DNAH5: variants seen among roughly 807,000 people sequenced by gnomAD.
DNAH5 encodes dynein axonemal heavy chain 5.
In DNAH5, 372 loss-of-function variants were observed where a neutral mutation model predicts 518.2. The observed-to-expected ratio is 0.72, with a 90% confidence interval of 0.66 to 0.78. The LOEUF is 0.78. Among genes scored for constraint, DNAH5 ranks in the 30% least tolerant of loss-of-function variants. DNAH5 has a pLI of 0.00. For synonymous variants in DNAH5, 2,039 were observed against 2,025.9 expected (o/e 1.01, Z -0.17); for missense variants, 5,523 against 5,687.0 (o/e 0.97, Z 0.93).
intron 1 of DNAH5, among the ~76,000 whole-genome samples, chr5:13,981,507 C>T (rs754688524): frequency 6.6e-6 from 1 of 152,134 alleles, no homozygotes; most frequent in Non-Finnish European, 1.5e-5. Context: ...CCATCCCTTG[C>T]CTGTGGGAAG....
intron 51 of DNAH5, 152 bp from the exon 52 acceptor site, chr5:13,786,503 C>A (rs929405056): frequency 1.3e-6 from 1 of 768,232 alleles, no homozygotes; most frequent in Admixed American, 2.2e-5. Flanking sequence ...AAACAGAAGA[C>A]AACAATAGAA....
intron 66 of DNAH5, 46 bp downstream of exon 66, chr5:13,737,206 C>G: frequency 6.2e-7 from 1 of 1,612,334 alleles, no homozygotes; most frequent in Non-Finnish European, 8.5e-7. Flanking sequence ...TCATTCCTCT[C>G]TCATTTCATT....
intron 1 of DNAH5, among the ~76,000 whole-genome samples, chr5:14,001,211 AAGG>A (rs1171246775): frequency 9.8e-5 from 15 of 152,302 alleles, no homozygotes; most frequent in African/African-American, 3.6e-4. Context: ...TACCTGGGTG[AAGG>A]ATTCATTCAC....
intron 12 of DNAH5, among the ~76,000 whole-genome samples, chr5:13,911,170 A>G (rs1249243661): frequency 6.6e-6 from 1 of 152,246 alleles, no homozygotes; most frequent in African/African-American, 2.4e-5. Flanking sequence ...AGTCTGATAC[A>G]CATCATTAGC....
rs376579542 is a variant in DNAH5 at position 13,750,925 on chromosome 5, GA to G, written c.11211+152del. On this transcript the variant is annotated intron_variant, in intron 65 of 78. Transcript: ENST00000265104. ...ATGACTGGTTAATAATTTCCTTTAG[GA>G]AAAAAAGAAAACACTTGGAGATTAA... 2.7e-3 allele frequency among the ~76,000 whole-genome samples: 410 copies of G among 151,964 alleles called. 4 individuals carry two copies. Among genetic ancestry groups the G allele is most frequent in the African/African-American group, 9.6e-3 (399 of 41,446 alleles).
rs561314834 is a variant in DNAH5, at chr5:13,852,254, G to A, written c.4951-1439C>T. Among the ~76,000 whole-genome samples, 71 of 152,108 alleles carry A rather than the reference G, an allele frequency of 4.7e-4. 1 individual carries two copies. In the East Asian group the frequency reaches 0.012, roughly 27 times the overall value. On this transcript the variant is annotated intron_variant, in intron 30 of 78. Coordinates refer to ENST00000265104, the MANE Select transcript of DNAH5 (RefSeq NM_001369.3). ...GTGATCTCAGCTCACTGCAACCTCC[G>A]CCTCCCAGGTTCAAGCGATTCTCCT...
At chr5:13,802,501 A>G (rs1758911129) in intron 47 of DNAH5, among the ~76,000 whole-genome samples, 1 of 152,182 alleles carries the variant, frequency 6.6e-6, no homozygotes, top group Non-Finnish European at 1.5e-5. Flanking sequence ...GTAATCCCCT[A>G]TGGAAACTAA....
At chr5:13,967,628 T>TG (rs1781611439) in intron 1 of DNAH5, among the ~76,000 whole-genome samples, 3 of 152,096 alleles carry the variant, frequency 2.0e-5, no homozygotes, top group Non-Finnish European at 4.4e-5. Context: ...CAGATTTGTT[T>TG]TTTTGTTTGT....
intron 33 of DNAH5, 38 bp from the exon 34 acceptor site, chr5:13,841,168 C>A (rs768274602): frequency 6.8e-7 from 1 of 1,473,742 alleles, no homozygotes; most frequent in Non-Finnish European, 9.5e-7. Context: ...ATTTGTATGG[C>A]ATATTTATGT....
At chr5:13,822,271 G>A (rs1762332131) in intron 40 of DNAH5, among the ~76,000 whole-genome samples, 1 of 148,404 alleles carries the variant, frequency 6.7e-6, no homozygotes, top group Non-Finnish European at 1.5e-5. Flanking sequence ...TTGTTTTTGA[G>A]ACAGAGTGTC....
At chr5:13,773,691 T>A (rs7446025) in intron 55 of DNAH5, among the ~76,000 whole-genome samples, 46,252 of 151,952 alleles carry the variant, frequency 0.3, 7,526 homozygotes, top group South Asian at 0.42. Context: ...CATCAAATAA[T>A]TAACACAATG....
chr5:13,841,581 A>T, intron 33 of DNAH5, 111 bp downstream of exon 33: 1 of 821,664 alleles, frequency 1.2e-6, no homozygotes, highest in Non-Finnish European at 2.0e-6. Context: ...TGAAAATCTT[A>T]ATACTGGTCT....
intron 47 of DNAH5, among the ~76,000 whole-genome samples, chr5:13,802,659 T>C (rs149581550): frequency 4.6e-4 from 70 of 152,288 alleles, no homozygotes; most frequent in African/African-American, 1.5e-3. Context: ...ATTGGAAGGA[T>C]CATGTGCAGC....
chr5:13,845,037 C>G (rs752360395), intron 31 of DNAH5, 44 bp from the exon 32 acceptor site: 18 of 1,599,260 alleles, frequency 1.1e-5, no homozygotes, highest in Non-Finnish European at 1.5e-5. Flanking sequence ...CCACACAAAG[C>G]TGGTCGTTCA....
chr5:13,943,564 T>C (rs976693559), intron 1 of DNAH5, among the ~76,000 whole-genome samples: 1 of 152,326 alleles, frequency 6.6e-6, no homozygotes, highest in African/African-American at 2.4e-5. Flanking sequence ...GTTCAGGGGC[T>C]TGGCTGCAAG....
chr5:13,884,260 G>C (rs1430392573), intron 19 of DNAH5, among the ~76,000 whole-genome samples: 1 of 152,094 alleles, frequency 6.6e-6, no homozygotes, highest in Non-Finnish European at 1.5e-5. Flanking sequence ...CAAACCTAAT[G>C]ATTTAACAAT....
rs368050409 is a variant in DNAH5, at chr5:13,794,047, C to T, written c.7899G>A (p.Glu2633=). The T allele has an allele frequency of 1.4e-5, 23 of 1,613,890 alleles. No homozygotes were observed. The African/African-American group carries it at 3.1e-4, about 22-fold the overall frequency. Residue 2633 remains glutamate (E), a synonymous_variant, in exon 48 of 79, where the codon GAG becomes GAA. Coordinates refer to ENST00000265104, the MANE Select transcript of DNAH5 (RefSeq NM_001369.3). The part of the protein sequence containing the change: ...TTPLMFQRTI[E]SYVDKRMGTT... Reference sequence around the variant, plus strand: ...TACCCATTCGTTTATCCACATAGCTCTCTATCGTCCTCTGTGAAAAAAAAA... The same window carrying T: ...TACCCATTCGTTTATCCACATAGCTTTCTATCGTCCTCTGTGAAAAAAAAA...
chr5:13,716,979 G>A (rs1353775370), intron 73 of DNAH5, among the ~76,000 whole-genome samples: 5 of 152,136 alleles, frequency 3.3e-5, no homozygotes, highest in Admixed American at 2.6e-4. Flanking sequence ...CAGTTCTTTA[G>A]AAAGCACACA....
Position 13,830,190 on chromosome 5 carries a change from C to A in DNAH5, c.6085G>T (p.Gly2029Cys). 6.2e-7 allele frequency: 1 copy of A among 1,613,500 alleles called. No individual in the cohort carries two copies. Among genetic ancestry groups the A allele is most frequent in the South Asian group, 1.1e-5 (1 of 90,996 alleles). ...ATACGGTTAAATTCATCAAAACAACCCCAGGATCCAGACTGTGCCAGTCCT... is the reference window on the plus strand; with the variant it reads ...ATACGGTTAAATTCATCAAAACAACACCAGGATCCAGACTGTGCCAGTCCT... ...FKGLAQSGSW[G>C]CFDEFNRIDL... Residue 2029 changes from glycine (G) to cysteine (C), a missense_variant, in exon 37 of 79, where the codon GGT becomes TGT. Physicochemically the swap from Gly to Cys is radical, Grantham distance 159 (BLOSUM62 -3). Around this residue, in one of 3 missense-constraint regions of DNAH5, gnomAD observed 5,121 missense variants for 5,223.3 expected, o/e 0.98. Coordinates refer to ENST00000265104, the MANE Select transcript of DNAH5 (RefSeq NM_001369.3).
Sources: allele counts gnomAD v4.1 joint callset (sites outside exome capture counted in the v4.1 genomes callset), GRCh38; gene constraint gnomAD v4.1.1; regional missense constraint gnomAD v4.1.1; transcripts MANE v1.5; gene names NCBI Gene and HGNC (gene_info 2026-07-23, HGNC 2026-07-21).